The following LRP1B variants were observed in gnomAD, a reference collection of about 807,000 sequenced individuals.
LRP1B encodes the protein LDL receptor related protein 1B, also known as low-density lipoprotein receptor-related protein 1B.
LRP1B carries 217 observed loss-of-function variants against 556.6 expected under a neutral mutation model. That is an observed-to-expected ratio of 0.39 (90% CI 0.35 to 0.44). The LOEUF (loss-of-function observed/expected upper bound fraction) is 0.44. Among genes scored for constraint, LRP1B ranks in the 20% least tolerant of loss-of-function variants. LRP1B has a pLI of 1.00. For synonymous variants in LRP1B, 2,047 were observed against 1,865.8 expected, an observed-to-expected ratio of 1.10 and a Z score of -2.50; for missense variants, 5,053 against 5,620.8, an observed-to-expected ratio of 0.90 and a Z score of 3.23.
At chr2:141,198,252 GAACA>G (rs1385465079) in intron 6 of LRP1B, among the ~76,000 whole-genome samples, 3 of 152,062 alleles carry the variant, frequency 2.0e-5, no homozygotes, top group African/African-American at 7.2e-5. Flanking sequence ...AAACTGAGTT[GAACA>G]AACAAAGGCT....
chr2:141,562,183 A>G (rs1686177777), intron 2 of LRP1B, among the ~76,000 whole-genome samples: 1 of 151,978 alleles, frequency 6.6e-6, no homozygotes, highest in African/African-American at 2.4e-5. Context: ...TGAGAAGTCG[A>G]TTCAATCTAA....
chr2:142,085,377 G>A (rs1452540392), intron 1 of LRP1B, among the ~76,000 whole-genome samples: 1 of 151,966 alleles, frequency 6.6e-6, no homozygotes, highest in East Asian at 1.9e-4. Flanking sequence ...TTCTATATCC[G>A]TCATCTCTAC....
intron 3 of LRP1B, among the ~76,000 whole-genome samples, chr2:141,314,909 T>C (rs77651614): frequency 0.13 from 18,305 of 144,346 alleles, 1,403 homozygotes; most frequent in African/African-American, 0.2. Flanking sequence ...TATATATATA[T>C]ACACATATAT....
chr2:141,183,859 A>G (rs1574164919), intron 7 of LRP1B, among the ~76,000 whole-genome samples: 1 of 152,170 alleles, frequency 6.6e-6, no homozygotes, highest in East Asian at 1.9e-4. Flanking sequence ...TGGTACCTTG[A>G]CTAAAATATC....
intron 67 of LRP1B, among the ~76,000 whole-genome samples, chr2:140,381,684 G>A (rs1683495048): frequency 1.3e-5 from 2 of 151,744 alleles, no homozygotes; most frequent in South Asian, 4.1e-4. Context: ...CCAACATGGT[G>A]AAAACCCCCT....
chr2:140,916,366 T>C (rs1044677462), intron 21 of LRP1B, among the ~76,000 whole-genome samples: 10 of 152,094 alleles, frequency 6.6e-5, no homozygotes, highest in African/African-American at 2.2e-4. Context: ...GATACAACAA[T>C]AGGGGAAAGA....
At chr2:141,200,645 G>A (rs903440341) in intron 6 of LRP1B, among the ~76,000 whole-genome samples, 2 of 151,786 alleles carry the variant, frequency 1.3e-5, no homozygotes, top group Admixed American at 1.3e-4. Flanking sequence ...GCATACACAC[G>A]CGGTGACTCA....
Position 141,683,919 on chromosome 2 carries a change from A to T in LRP1B, c.205+126360T>A, listed in dbSNP as rs755870342. On this transcript the variant is annotated intron_variant, in intron 2 of 90. Transcript: ENST00000389484. The stretch of plus-strand genomic sequence containing the variant: ...CCATCTCATGCTAGTTAGAATGGCA[A>T]TCATTAAAAAATCAGGAAACAACAG... 7.3e-4 allele frequency among the ~76,000 whole-genome samples: 111 copies of T among 152,146 alleles called. 1 individual carries two copies. Among genetic ancestry groups the T allele is most frequent in the Non-Finnish European group, 1.2e-3 (83 of 68,024 alleles).
intron 3 of LRP1B, among the ~76,000 whole-genome samples, chr2:141,265,947 C>T (rs1431853347): frequency 6.6e-6 from 1 of 152,152 alleles, no homozygotes; most frequent in Non-Finnish European, 1.5e-5. Flanking sequence ...CTCCTTTAGT[C>T]GGGTTAGAGC....
At chr2:140,972,676 TTTA>T (rs1285712617) in intron 18 of LRP1B, among the ~76,000 whole-genome samples, 1 of 150,470 alleles carries the variant, frequency 6.6e-6, no homozygotes, top group African/African-American at 2.4e-5. Flanking sequence ...GGGAGTGAAG[TTTA>T]TGTAAGTTTC....
At chr2:141,204,577 T>C (rs1412312229) in intron 6 of LRP1B, among the ~76,000 whole-genome samples, 2 of 152,152 alleles carry the variant, frequency 1.3e-5, no homozygotes, top group Non-Finnish European at 2.9e-5. Context: ...TACTTACATG[T>C]TTGAGATGAG....
At chr2:141,008,134 TTAAG>T (rs766609722) in intron 14 of LRP1B, among the ~76,000 whole-genome samples, 4 of 151,366 alleles carry the variant, frequency 2.6e-5, no homozygotes, top group East Asian at 1.9e-4. Flanking sequence ...TAAAACATGT[TTAAG>T]TAACTACAAA....
chr2:142,043,110 T>C lies in LRP1B; in HGVS notation c.82+87538A>G, dbSNP rs112640705. ...ATCATAATCTGTCAAAAACTATATC[T>C]TGAATTTTCCTTGATGCCCACTATT... On this transcript the variant is annotated intron_variant, in intron 1 of 90. Coordinates refer to ENST00000389484, the MANE Select transcript of LRP1B (RefSeq NM_018557.3). Among the ~76,000 whole-genome samples the C allele has an allele frequency of 4.7e-3, 714 of 151,732 alleles. 8 individuals are homozygous for C. Among genetic ancestry groups the C allele is most frequent in the African/African-American group, 0.016 (683 of 41,506 alleles).
chr2:140,657,098 T>A (rs72979831), intron 41 of LRP1B, among the ~76,000 whole-genome samples: 8 of 152,076 alleles, frequency 5.3e-5, no homozygotes, highest in African/African-American at 1.4e-4. Context: ...ATAGTACTGA[T>A]AGGCATTTAT....
At chr2:141,340,229 A>G (rs766640631) in intron 3 of LRP1B, among the ~76,000 whole-genome samples, 1 of 152,170 alleles carries the variant, frequency 6.6e-6, no homozygotes, top group Non-Finnish European at 1.5e-5. Context: ...AATCAAGTCT[A>G]TTTCTTCTGA....
At chr2:141,459,660 C>G (rs573386001) in intron 3 of LRP1B, among the ~76,000 whole-genome samples, 2 of 152,026 alleles carry the variant, frequency 1.3e-5, no homozygotes, top group African/African-American at 4.8e-5. Context: ...CTAAGTCTCA[C>G]GAGATCTGAT....
intron 3 of LRP1B, among the ~76,000 whole-genome samples, chr2:141,323,319 C>T (rs1042782995): frequency 6.6e-6 from 1 of 151,922 alleles, no homozygotes; most frequent in Non-Finnish European, 1.5e-5. Flanking sequence ...TACAAATATC[C>T]AATACAGCAT....
chr2:141,299,297 C>T (rs750686207), intron 3 of LRP1B, among the ~76,000 whole-genome samples: 8 of 152,148 alleles, frequency 5.3e-5, no homozygotes, highest in Non-Finnish European at 1.0e-4. Flanking sequence ...TTCAATTTCA[C>T]TATCTGCAAT....
intron 10 of LRP1B, among the ~76,000 whole-genome samples, chr2:141,052,166 A>C (rs1469664294): frequency 6.6e-6 from 1 of 152,056 alleles, no homozygotes; most frequent in African/African-American, 2.4e-5. Context: ...AGAATAAAGT[A>C]CCTTAACATC....
Sources: gnomAD v4.1 joint callset for allele counts (sites outside exome capture counted in the v4.1 genomes callset) on GRCh38, gnomAD v4.1.1 for gene constraint, MANE v1.5 for transcripts, NCBI Gene and HGNC (gene_info 2026-07-23, HGNC 2026-07-21) for gene names.